The following NOX4 variants were observed in gnomAD, a reference collection of about 807,000 sequenced individuals.
The protein encoded by NOX4 is kidney oxidase-1.
Under a neutral mutation model 87.6 loss-of-function variants are expected in NOX4, and 69 were observed. The ratio of observed to expected loss-of-function variants is 0.79; its 90% confidence interval spans 0.65 to 0.96. The LOEUF is 0.96. Among genes scored for constraint, NOX4 ranks in the 40% least tolerant of loss-of-function variants. The pLI is 0.00. For missense variants in NOX4, 680 were observed against 681.5 expected, an observed-to-expected ratio of 1.00 and a Z score of 0.02; for synonymous variants, 275 against 238.2, an observed-to-expected ratio of 1.15 and a Z score of -1.42.
the NOX4 span, among the ~76,000 whole-genome samples, chr11:89,506,996 A>G: frequency 2.0e-4 from 31 of 151,994 alleles, no homozygotes; most frequent in African/African-American, 7.2e-4. Flanking sequence ...ACATACTACA[A>G]CATGTATGAA....
the NOX4 span, among the ~76,000 whole-genome samples, chr11:89,578,165 C>CT: frequency 0.062 from 8,694 of 140,610 alleles, 656 homozygotes; most frequent in African/African-American, 0.2. Context: ...TTATTTAAAT[C>CT]TTTTTTTTTT....
chr11:89,424,325 C>T (rs930038052), intron 7 of NOX4, among the ~76,000 whole-genome samples: 1 of 150,064 alleles, frequency 6.7e-6, no homozygotes, highest in African/African-American at 2.5e-5. Context: ...GTGTTAACAC[C>T]AAATTTTTCC....
At chr11:89,504,563 GGATA>G in the NOX4 span, among the ~76,000 whole-genome samples, 1 of 151,810 alleles carries the variant, frequency 6.6e-6, no homozygotes, top group African/African-American at 2.4e-5. Flanking sequence ...GGAAAGAAAT[GGATA>G]GATTTTTTAC....
intron 17 of NOX4, among the ~76,000 whole-genome samples, chr11:89,329,356 G>GAAAAAAAAAAAAAAAAAAAAAAA (rs377055666): frequency 1.4e-4 from 5 of 34,708 alleles, no homozygotes; most frequent in Admixed American, 3.4e-4. Flanking sequence ...GAAAAAAACT[G>GAAAAAAAAAAAAAAAAAAAAAAA]AAAAAAAAAA....
At chr11:89,384,397 T>C (rs1158404233) in intron 11 of NOX4, among the ~76,000 whole-genome samples, 2 of 152,114 alleles carry the variant, frequency 1.3e-5, no homozygotes, top group African/African-American at 2.4e-5. Context: ...CAAGCCTAAA[T>C]TTCTTCCTCA....
intron 2 of NOX4, among the ~76,000 whole-genome samples, chr11:89,482,002 C>T (rs1474525743): frequency 6.6e-6 from 1 of 152,020 alleles, no homozygotes; most frequent in East Asian, 1.9e-4. Flanking sequence ...ACTCTTGATG[C>T]CAAGATCTAA....
At chr11:89,390,315 A>C (rs1030444906) in intron 11 of NOX4, among the ~76,000 whole-genome samples, 1 of 152,194 alleles carries the variant, frequency 6.6e-6, no homozygotes, top group Non-Finnish European at 1.5e-5. Context: ...GGGATAGTAC[A>C]AATGAGCGAG....
At chr11:89,543,266 A>G in the NOX4 span, among the ~76,000 whole-genome samples, 2 of 152,234 alleles carry the variant, frequency 1.3e-5, no homozygotes, top group African/African-American at 2.4e-5. Context: ...AGAATTGACA[A>G]GATGGAAGAA....
At chr11:89,364,299 C>T (rs1293678182) in intron 12 of NOX4, among the ~76,000 whole-genome samples, 1 of 151,910 alleles carries the variant, frequency 6.6e-6, no homozygotes, top group Non-Finnish European at 1.5e-5. Flanking sequence ...TACATACACA[C>T]ATACATATAT....
At chr11:89,555,985 G>A in the NOX4 span, among the ~76,000 whole-genome samples, 2 of 152,002 alleles carry the variant, frequency 1.3e-5, no homozygotes, top group Admixed American at 1.3e-4. Context: ...CTAATTTATA[G>A]GACTTAACAA....
chr11:89,326,905 T>G, intron 17 of NOX4, 29 bp from the exon 18 acceptor site: 1 of 1,611,342 alleles, frequency 6.2e-7, no homozygotes, highest in Non-Finnish European at 8.5e-7. Flanking sequence ...AAATGGAAAA[T>G]CAGGTGTAAA....
the NOX4 span, among the ~76,000 whole-genome samples, chr11:89,532,731 T>C: frequency 2.0e-5 from 3 of 152,262 alleles, no homozygotes; most frequent in African/African-American, 4.8e-5. Context: ...TCTGTGTCCC[T>C]ACCCAAATCT....
At chr11:89,336,121 C>G (rs1458842868) in intron 16 of NOX4, 176 bp from the exon 17 acceptor site, 5 of 414,554 alleles carry the variant, frequency 1.2e-5, no homozygotes, top group Admixed American at 4.5e-5. Flanking sequence ...TTTCTTCTTT[C>G]TTTTAAAATT....
the NOX4 span, among the ~76,000 whole-genome samples, chr11:89,588,779 T>A: frequency 2.0e-5 from 3 of 152,198 alleles, no homozygotes; most frequent in Non-Finnish European, 4.4e-5. Context: ...CTGAATGAAC[T>A]GAATCTGTAG....
At chr11:89,561,069 A>C in the NOX4 span, among the ~76,000 whole-genome samples, 1 of 116,114 alleles carries the variant, frequency 8.6e-6, no homozygotes, top group Non-Finnish European at 1.8e-5. Flanking sequence ...ATATATATAT[A>C]TATATATATA....
intron 2 of NOX4, among the ~76,000 whole-genome samples, chr11:89,484,708 G>A (rs1226552869): frequency 6.6e-6 from 1 of 152,040 alleles, no homozygotes; most frequent in Non-Finnish European, 1.5e-5. Flanking sequence ...ATGAATCAGT[G>A]TCTATTGTAA....
intron 13 of NOX4, among the ~76,000 whole-genome samples, chr11:89,351,398 A>C (rs115911494): frequency 0.029 from 4,436 of 152,324 alleles, 205 homozygotes; most frequent in African/African-American, 0.1. Context: ...AAGCTGCAGT[A>C]TATTATCCAG....
chr11:89,530,349 T>TTG, the NOX4 span, among the ~76,000 whole-genome samples: 2 of 148,978 alleles, frequency 1.3e-5, no homozygotes, highest in African/African-American at 2.5e-5. Flanking sequence ...CTATTCTTTT[T>TTG]TTTTTTTTTT....
chr11:89,560,331 T>G, the NOX4 span, among the ~76,000 whole-genome samples: 2 of 152,122 alleles, frequency 1.3e-5, no homozygotes, highest in Admixed American at 1.3e-4. Context: ...AATATCTTGA[T>G]TTTGGGCCTT....
Sources: allele counts gnomAD v4.1 joint callset (sites outside exome capture counted in the v4.1 genomes callset), GRCh38; gene constraint gnomAD v4.1.1; transcripts MANE v1.5; gene names NCBI Gene and HGNC (gene_info 2026-07-23, HGNC 2026-07-21).